The following MSI2 variants were observed in gnomAD, a reference collection of about 807,000 sequenced individuals.
MSI2 encodes the protein musashi RNA binding protein 2, also known as RNA-binding protein Musashi homolog 2.
Under a neutral mutation model 45.6 loss-of-function variants are expected in MSI2, and 17 were observed. The observed-to-expected ratio is 0.37, with a 90% CI of 0.26 to 0.56. MSI2 has a LOEUF of 0.56. MSI2 is among the 20% of genes least tolerant of loss of function. The pLI is 0.77. For synonymous variants in MSI2, 156 were observed against 158.2 expected, an observed-to-expected ratio of 0.99 and a Z score of 0.11; for missense variants, 293 against 444.2, an observed-to-expected ratio of 0.66 and a Z score of 3.06.
At chr17:57,455,766 G>A (rs952813018) in intron 6 of MSI2, among the ~76,000 whole-genome samples, 16 of 152,138 alleles carry the variant, frequency 1.1e-4, no homozygotes, top group African/African-American at 2.9e-4. Flanking sequence ...AAGCAGGGCC[G>A]CGTGGAGTGC....
rs374626852 is a variant in MSI2, at chr17:57,380,632, C to T, written c.313-20747C>T. ...ACTAAAGGGTTAGTCCTTCAGCCCC[C>T]TACCCCCAAACAACCAAGTGGATGT... On this transcript the variant is annotated intron_variant, in intron 5 of 13. Transcript: ENST00000284073. 2.6e-4 allele frequency among the ~76,000 whole-genome samples: 40 copies of T among 152,294 alleles called. No homozygotes were observed. The South Asian group carries it at 7.9e-3, about 30-fold the overall frequency.
At chr17:57,349,165 AG>A (rs1172072502) in intron 5 of MSI2, among the ~76,000 whole-genome samples, 1 of 152,114 alleles carries the variant, frequency 6.6e-6, no homozygotes, top group Non-Finnish European at 1.5e-5. Context: ...TGAGGACTCC[AG>A]GCTCTCGTCT....
At chr17:57,410,860 G>A (rs2084183516) in intron 6 of MSI2, among the ~76,000 whole-genome samples, 1 of 152,150 alleles carries the variant, frequency 6.6e-6, no homozygotes, top group African/African-American at 2.4e-5. Flanking sequence ...ATCAGAGACG[G>A]GCTTCCTGAT....
chr17:57,351,901 CA>C (rs1259380925), intron 5 of MSI2, among the ~76,000 whole-genome samples: 1 of 152,118 alleles, frequency 6.6e-6, no homozygotes, highest in African/African-American at 2.4e-5. Flanking sequence ...CACACACACA[CA>C]AAGTTTGTGT....
intron 7 of MSI2, among the ~76,000 whole-genome samples, chr17:57,594,255 G>A (rs546147262): frequency 2.3e-4 from 35 of 152,312 alleles, no homozygotes; most frequent in African/African-American, 8.2e-4. Context: ...GTGGGATTGC[G>A]GGAGGGTGCT....
chr17:57,596,911 A>G lies in MSI2; in HGVS notation c.498A>G (p.Lys166=), dbSNP rs1368294295. 3 of 1,613,592 alleles carry G rather than the reference A, an allele frequency of 1.9e-6. No individual in the cohort carries two copies. Among genetic ancestry groups the G allele is most frequent in the Non-Finnish European group, 2.5e-6 (3 of 1,179,656 alleles). Reference sequence around the variant, plus strand: ...TTGAGAATGAAGATGTTGTGGAGAAAGTCTGTGAGATTCATTTCCATGAAA... The same window carrying G: ...TTGAGAATGAAGATGTTGTGGAGAAGGTCTGTGAGATTCATTTCCATGAAA... ...VTFENEDVVE[K]VCEIHFHEIN... is the part of the protein sequence containing the mutation. The change falls in exon 8 of 14, where the codon AAA becomes AAG. Residue 166 remains lysine (K), a synonymous_variant. Coordinates refer to ENST00000284073, the MANE Select transcript of MSI2 (RefSeq NM_138962.4). The surrounding 1 kb of genome is among the most constrained non-coding windows in gnomAD (Gnocchi z 4.6).
intron 7 of MSI2, among the ~76,000 whole-genome samples, chr17:57,581,000 G>A (rs867982103): frequency 5.3e-5 from 4 of 74,854 alleles, no homozygotes; most frequent in Admixed American, 3.2e-4. Flanking sequence ...CATGAGGTCA[G>A]CATCTTTTTT....
chr17:57,320,574 G>T (rs1913250754), intron 5 of MSI2, among the ~76,000 whole-genome samples: 1 of 152,182 alleles, frequency 6.6e-6, no homozygotes. Context: ...TTTTAAGACA[G>T]TTGGGAAGGG....
intron 6 of MSI2, among the ~76,000 whole-genome samples, chr17:57,476,170 A>G (rs2085533406): frequency 6.6e-6 from 1 of 152,230 alleles, no homozygotes; most frequent in Non-Finnish European, 1.5e-5. Flanking sequence ...CACAACATAT[A>G]GGGCTATCCA....
At chr17:57,589,554 G>GC (rs113063652) in intron 7 of MSI2, among the ~76,000 whole-genome samples, 24,073 of 152,142 alleles carry the variant, frequency 0.16, 2,121 homozygotes, top group African/African-American at 0.24. Flanking sequence ...GCTGGGGACA[G>GC]CCCGAGGTGT....
At chr17:57,484,936 A>G (rs991494969) in intron 6 of MSI2, among the ~76,000 whole-genome samples, 2 of 151,812 alleles carry the variant, frequency 1.3e-5, no homozygotes, top group African/African-American at 2.4e-5. Context: ...CCTTTCTGTA[A>G]ACTCCCCTGG....
At chr17:57,435,309 G>A (rs1379468025) in intron 6 of MSI2, among the ~76,000 whole-genome samples, 1 of 152,138 alleles carries the variant, frequency 6.6e-6, no homozygotes, top group African/African-American at 2.4e-5. Context: ...ACAGAATTTG[G>A]TAGTTCAAGA....
chr17:57,543,123 G>A (rs2087087969), intron 7 of MSI2, among the ~76,000 whole-genome samples: 1 of 152,164 alleles, frequency 6.6e-6, no homozygotes, highest in South Asian at 2.1e-4. Flanking sequence ...CAAAACGGAG[G>A]TGCAGGAGCC....
At chr17:57,594,366 T>C (rs1042022212) in intron 7 of MSI2, among the ~76,000 whole-genome samples, 12 of 152,122 alleles carry the variant, frequency 7.9e-5, no homozygotes, top group African/African-American at 2.9e-4. Context: ...CCTGGCTGAG[T>C]GCTCCAGGGG....
chr17:57,564,038 C>G (rs1327098510), intron 7 of MSI2, among the ~76,000 whole-genome samples: 5 of 152,160 alleles, frequency 3.3e-5, no homozygotes, highest in Non-Finnish European at 7.3e-5. Flanking sequence ...TCCTTTATGG[C>G]CAGCCCCCTG....
intron 10 of MSI2, among the ~76,000 whole-genome samples, chr17:57,650,822 G>T (rs1033862565): frequency 3.9e-5 from 6 of 152,142 alleles, no homozygotes; most frequent in Non-Finnish European, 7.4e-5. Context: ...CGCTCTGTTT[G>T]GGGGAGCTTT....
At chr17:57,512,360 C>T (rs1376652028) in intron 6 of MSI2, among the ~76,000 whole-genome samples, 1 of 152,108 alleles carries the variant, frequency 6.6e-6, no homozygotes, top group Non-Finnish European at 1.5e-5. Flanking sequence ...ATTTGCTGAA[C>T]AGAAGGAGCT....
intron 7 of MSI2, among the ~76,000 whole-genome samples, chr17:57,571,728 A>G (rs1042078207): frequency 2.0e-5 from 3 of 152,234 alleles, no homozygotes; most frequent in Non-Finnish European, 4.4e-5. Context: ...AGTAATAGTA[A>G]TGATAATAAT....
intron 7 of MSI2, chr17:57,565,926 G>A (rs2087719636): frequency 6.6e-6 from 1 of 152,222 alleles, no homozygotes; most frequent in African/African-American, 2.4e-5. Context: ...TTCCCAGGGA[G>A]AGTAGCGATT....
Sources: allele counts gnomAD v4.1 joint callset (sites outside exome capture counted in the v4.1 genomes callset), GRCh38; gene constraint gnomAD v4.1.1; non-coding constraint Gnocchi (gnomAD v3.1); transcripts MANE v1.5; gene names NCBI Gene and HGNC (gene_info 2026-07-23, HGNC 2026-07-21).